The following PDE10A variants were observed in gnomAD, a reference collection of about 807,000 sequenced individuals.
The protein encoded by PDE10A is phosphodiesterase 10A, also known as cAMP and cAMP-inhibited cGMP 3',5'-cyclic phosphodiesterase 10A.
PDE10A carries 39 observed loss-of-function variants against 97.7 expected under a neutral mutation model. The observed-to-expected ratio is 0.40, with a 90% confidence interval of 0.31 to 0.52. The LOEUF (loss-of-function observed/expected upper bound fraction) is 0.52. PDE10A is among the 20% of genes least tolerant of loss of function. The pLI, the probability that PDE10A is intolerant of heterozygous loss-of-function variation, is 0.56. For missense variants in PDE10A, 731 were observed against 1,047.8 expected (o/e 0.70, Z 4.17); for synonymous variants, 371 against 376.8 (o/e 0.98, Z 0.18).
intron 18 of PDE10A, among the ~76,000 whole-genome samples, chr6:165,367,761 C>T (rs1382154113): frequency 6.7e-6 from 1 of 149,962 alleles, no homozygotes; most frequent in African/African-American, 2.5e-5. Flanking sequence ...GTGAAAATAT[C>T]TTTAAAAAGC....
intron 1 of PDE10A, among the ~76,000 whole-genome samples, chr6:165,974,603 G>A (rs1375514403): frequency 6.6e-6 from 1 of 152,246 alleles, no homozygotes; most frequent in Admixed American, 6.5e-5. Flanking sequence ...GAATGATAAA[G>A]AGTGCAGAAC....
At chr6:165,953,141 G>A (rs1479508885) in intron 1 of PDE10A, among the ~76,000 whole-genome samples, 1 of 152,166 alleles carries the variant, frequency 6.6e-6, no homozygotes, top group African/African-American at 2.4e-5. Flanking sequence ...TGGGCCCTCA[G>A]TGCCTCTGTT....
At chr6:165,954,745 G>T (rs1249714468) in intron 1 of PDE10A, among the ~76,000 whole-genome samples, 1 of 152,040 alleles carries the variant, frequency 6.6e-6, no homozygotes, top group Non-Finnish European at 1.5e-5. Context: ...AAGGCTCAGG[G>T]TTTCCGGAAG....
rs558766811 is a variant in PDE10A, at chr6:165,465,928, G to C, written c.1024-15566C>G. Reference sequence around the variant, plus strand: ...ATGCATCTTAAAGAATGCTAGCACAGATGACAGAAACTGCAGGAGGAAGTA... The same window carrying C: ...ATGCATCTTAAAGAATGCTAGCACACATGACAGAAACTGCAGGAGGAAGTA... On this transcript the variant is annotated intron_variant, in intron 3 of 21. Transcript: ENST00000539869. Among the ~76,000 whole-genome samples, 3 of 151,712 alleles carry C rather than the reference G, an allele frequency of 2.0e-5. 1 individual carries two copies. Among genetic ancestry groups the C allele is most frequent in the African/African-American group, 7.2e-5 (3 of 41,508 alleles).
chr6:165,437,566 A>C (rs1790114943), intron 5 of PDE10A, among the ~76,000 whole-genome samples: 1 of 152,202 alleles, frequency 6.6e-6, no homozygotes, highest in East Asian at 1.9e-4. Context: ...ATTATCAAAA[A>C]TTGAGTAATA....
At chr6:165,575,140 T>C (rs1785237925) in intron 1 of PDE10A, among the ~76,000 whole-genome samples, 1 of 152,208 alleles carries the variant, frequency 6.6e-6, no homozygotes, top group South Asian at 2.1e-4. Flanking sequence ...CCACTGCCGA[T>C]TACTGCAATA....
chr6:165,638,254 T>C (rs956460841), intron 1 of PDE10A, among the ~76,000 whole-genome samples: 1 of 150,238 alleles, frequency 6.7e-6, no homozygotes, highest in African/African-American at 2.4e-5. Context: ...ATGCAACACA[T>C]TCACCTTCCT....
chr6:165,585,459 G>A (rs1456789670), intron 1 of PDE10A, among the ~76,000 whole-genome samples: 1 of 152,130 alleles, frequency 6.6e-6, no homozygotes, highest in African/African-American at 2.4e-5. Context: ...ATCTTAGGGG[G>A]ACCTACGTGC....
chr6:165,941,505 T>A (rs185980086), intron 1 of PDE10A, among the ~76,000 whole-genome samples: 1 of 152,312 alleles, frequency 6.6e-6, no homozygotes, highest in Non-Finnish European at 1.5e-5. Context: ...TCATGTTGAA[T>A]TTTAATCTGC....
chr6:165,666,024 C>T (rs563146409), upstream of PDE10A, among the ~76,000 whole-genome samples: 7 of 152,304 alleles, frequency 4.6e-5, no homozygotes, highest in South Asian at 8.3e-4. Context: ...TAAAAACATG[C>T]GTCTAGGTAC....
intron 1 of PDE10A, among the ~76,000 whole-genome samples, chr6:165,606,798 C>T (rs1026665275): frequency 6.6e-6 from 1 of 151,996 alleles, no homozygotes; most frequent in African/African-American, 2.4e-5. Context: ...TGTGACTGGA[C>T]CATGGAGTGC....
At chr6:165,826,574 C>T (rs879644049) in intron 1 of PDE10A, among the ~76,000 whole-genome samples, 12 of 150,780 alleles carry the variant, frequency 8.0e-5, no homozygotes, top group African/African-American at 2.7e-4. Flanking sequence ...GCTCCCGCCA[C>T]GCCCCCAGGT....
intron 17 of PDE10A, among the ~76,000 whole-genome samples, chr6:165,385,902 A>C (rs1188011506): frequency 1.3e-5 from 2 of 152,176 alleles, no homozygotes; most frequent in Non-Finnish European, 2.9e-5. Context: ...AGCAATCCCT[A>C]ATCCTTATTC....
In PDE10A at chr6:165,661,741, C is replaced by T. The variant is rs1250717956; in HGVS notation, c.865+206G>A. Among the ~76,000 whole-genome samples, 1 of 152,088 alleles carries T rather than the reference C, an allele frequency of 6.6e-6. No individual in the cohort carries two copies. The highest frequency in any genetic ancestry group is 1.5e-5 in the Non-Finnish European group (1 of 67,984). On this transcript the variant is annotated intron_variant, in intron 1 of 21. Coordinates refer to ENST00000539869, the MANE Select transcript of PDE10A (RefSeq NM_001385079.1). The surrounding 1 kb of genome is among the most constrained non-coding windows in gnomAD (Gnocchi z 4.8). ...GAGCGCTCGCGGAGCCTGGGAAACC[C>T]CGGCGTCCCTGCGCGGCCGAACGCT...
intron 13 of PDE10A, among the ~76,000 whole-genome samples, chr6:165,407,128 T>C (rs1265952294): frequency 6.6e-6 from 1 of 152,204 alleles, no homozygotes; most frequent in Non-Finnish European, 1.5e-5. Context: ...TTCATCTATA[T>C]ATGTATCCTG....
intron 1 of PDE10A, among the ~76,000 whole-genome samples, chr6:165,548,320 A>C (rs751136359): frequency 3.8e-5 from 5 of 130,088 alleles, no homozygotes; most frequent in Non-Finnish European, 7.7e-5. Flanking sequence ...GTTGGTCTGC[A>C]CTAGGACACA....
intron 2 of PDE10A, among the ~76,000 whole-genome samples, chr6:165,506,456 TAG>T (rs1381278542): frequency 2.0e-5 from 3 of 152,156 alleles, no homozygotes; most frequent in Non-Finnish European, 4.4e-5. Context: ...TACTTTTCTA[TAG>T]AGGAGATTTT....
intron 1 of PDE10A, among the ~76,000 whole-genome samples, chr6:165,727,287 C>T (rs1478329845): frequency 6.6e-6 from 1 of 152,360 alleles, no homozygotes; most frequent in Middle Eastern, 3.4e-3. Flanking sequence ...CCAGATTTCC[C>T]TTCGCTTAGG....
chr6:165,755,534 G>T (rs1313292977), intron 1 of PDE10A, among the ~76,000 whole-genome samples: 1 of 152,130 alleles, frequency 6.6e-6, no homozygotes, highest in African/African-American at 2.4e-5. Context: ...CAAAATTCTA[G>T]TCTTTATTAT....
Sources: allele counts gnomAD v4.1 joint callset (sites outside exome capture counted in the v4.1 genomes callset), GRCh38; gene constraint gnomAD v4.1.1; non-coding constraint Gnocchi (gnomAD v3.1); transcripts MANE v1.5; gene names NCBI Gene and HGNC (gene_info 2026-07-23, HGNC 2026-07-21).